Variants in LRMDA observed in about 807,000 individuals in gnomAD.
The protein encoded by LRMDA is leucine rich melanocyte differentiation associated, also known as leucine-rich melanocyte differentiation-associated protein.
LRMDA carries 18 observed loss-of-function variants against 29.8 expected under a neutral mutation model. The observed-to-expected ratio is 0.60, with a 90% CI of 0.42 to 0.90. LRMDA has a LOEUF of 0.90. Among genes scored for constraint, LRMDA ranks in the 40% least tolerant of loss-of-function variants. The pLI, the probability that LRMDA is intolerant of heterozygous loss-of-function variation, is 0.00. For missense variants in LRMDA, 273 were observed against 273.9 expected (o/e 1.00, Z 0.02); for synonymous variants, 125 against 109.4 (o/e 1.14, Z -0.89).
chr10:76,444,040 A>G (rs1053381667), intron 6 of LRMDA, among the ~76,000 whole-genome samples: 2 of 152,146 alleles, frequency 1.3e-5, no homozygotes, highest in African/African-American at 4.8e-5. Context: ...TGACTACAGA[A>G]TGGATAGGTC....
intron 6 of LRMDA, among the ~76,000 whole-genome samples, chr10:76,333,013 C>T (rs755980740): frequency 1.3e-5 from 2 of 152,098 alleles, no homozygotes; most frequent in African/African-American, 2.4e-5. Flanking sequence ...GAAAAGATAG[C>T]GTGCAATGTA....
rs149065788 is a variant in LRMDA at position 76,203,958 on chromosome 10, T to C, written c.517-120443T>C. 2.5e-4 allele frequency among the ~76,000 whole-genome samples: 36 copies of C among 145,646 alleles called. 1 individual carries two copies. The highest frequency in any genetic ancestry group is 9.3e-4 in the African/African-American group (36 of 38,844). ...TTCCATGTGCCCATCTACCCATCTCTATTCCATGTGCCCATCCCACCCATC... is the reference window on the plus strand; with the variant it reads ...TTCCATGTGCCCATCTACCCATCTCCATTCCATGTGCCCATCCCACCCATC... On this transcript the variant is annotated intron_variant, in intron 5 of 6. Coordinates refer to ENST00000611255, the MANE Select transcript of LRMDA (RefSeq NM_001305581.2).
chr10:76,370,551 T>C (rs1564522892), intron 6 of LRMDA, among the ~76,000 whole-genome samples: 1 of 152,214 alleles, frequency 6.6e-6, no homozygotes, highest in Non-Finnish European at 1.5e-5. Context: ...ATTTTTGCTT[T>C]CCACAGTTTC....
At chr10:76,539,980 A>T (rs934353144) in intron 6 of LRMDA, among the ~76,000 whole-genome samples, 1 of 124,354 alleles carries the variant, frequency 8.0e-6, no homozygotes, top group South Asian at 2.3e-4. Flanking sequence ...TGATATCAAC[A>T]TGTTCACACA....
At chr10:75,484,866 GAA>G (rs1449420300) in intron 2 of LRMDA, among the ~76,000 whole-genome samples, 1 of 152,210 alleles carries the variant, frequency 6.6e-6, no homozygotes, top group Non-Finnish European at 1.5e-5. Flanking sequence ...AGAATTGTGA[GAA>G]AATAAGTTTC....
intron 2 of LRMDA, among the ~76,000 whole-genome samples, chr10:75,449,080 A>T (rs1844428161): frequency 6.8e-6 from 1 of 147,282 alleles, no homozygotes; most frequent in East Asian, 2.0e-4. Flanking sequence ...TGAACCCAGG[A>T]GGCGGAAGTT....
At chr10:76,030,012 C>A (rs1433573119) in intron 2 of LRMDA, among the ~76,000 whole-genome samples, 2 of 152,180 alleles carry the variant, frequency 1.3e-5, no homozygotes. Flanking sequence ...TCTCTTGCCT[C>A]AGCCTCCTGA....
rs1198019836 is a variant in LRMDA at position 75,753,867 on chromosome 10, A to G, written c.132-282141A>G. Among the ~76,000 whole-genome samples, 6 of 152,344 alleles carry G rather than the reference A, an allele frequency of 3.9e-5. No homozygotes were observed. The East Asian group carries it at 9.7e-4, about 25-fold the overall frequency. ...TGGGATAGATGCGGTGCTACGAACCAGGGAGCAGGCAGTAAAGATGGAAGG... is the reference window on the plus strand; with the variant it reads ...TGGGATAGATGCGGTGCTACGAACCGGGGAGCAGGCAGTAAAGATGGAAGG... On this transcript the variant is annotated intron_variant, in intron 2 of 6. Transcript: ENST00000611255.
At chr10:76,194,220 C>T (rs919410026) in intron 5 of LRMDA, among the ~76,000 whole-genome samples, 6 of 152,156 alleles carry the variant, frequency 3.9e-5, no homozygotes, top group South Asian at 2.1e-4. Context: ...TGAGTTATTT[C>T]GGATGGACAA....
intron 5 of LRMDA, among the ~76,000 whole-genome samples, chr10:76,254,358 CCTATGCTATGCTATG>C (rs56303431): frequency 5.3e-5 from 7 of 131,382 alleles, no homozygotes; most frequent in South Asian, 5.6e-4. Flanking sequence ...CCTATCCTAT[CCTATGCTATGCTATG>C]CTATGCTATG....
intron 6 of LRMDA, among the ~76,000 whole-genome samples, chr10:76,422,703 G>A (rs540750428): frequency 6.6e-6 from 1 of 152,282 alleles, no homozygotes; most frequent in South Asian, 2.1e-4. Context: ...TGTTTTGAAG[G>A]CCTACAGCCT....
At chr10:76,308,513 G>A (rs1186383248) in intron 5 of LRMDA, among the ~76,000 whole-genome samples, 4 of 152,074 alleles carry the variant, frequency 2.6e-5, no homozygotes, top group East Asian at 1.9e-4. Flanking sequence ...CAGTTACCCA[G>A]TGACTGGAGG....
chr10:76,183,552 C>T (rs58073738), intron 5 of LRMDA, among the ~76,000 whole-genome samples: 3,788 of 152,152 alleles, frequency 0.025, 155 homozygotes, highest in African/African-American at 0.083. Context: ...ACACAGAACC[C>T]GGTTGGGACA....
At chr10:75,466,898 A>C (rs1844658076) in intron 2 of LRMDA, among the ~76,000 whole-genome samples, 1 of 152,186 alleles carries the variant, frequency 6.6e-6, no homozygotes, top group African/African-American at 2.4e-5. Context: ...AAAAATTAAA[A>C]AAAACCAAAC....
At chr10:75,935,385 C>T (rs1311431689) in intron 2 of LRMDA, among the ~76,000 whole-genome samples, 1 of 152,174 alleles carries the variant, frequency 6.6e-6, no homozygotes, top group Non-Finnish European at 1.5e-5. Context: ...AAAGGATTGA[C>T]TTCTCCTGCA....
At chr10:76,476,335 C>A (rs2132321864) in intron 6 of LRMDA, among the ~76,000 whole-genome samples, 1 of 152,174 alleles carries the variant, frequency 6.6e-6, no homozygotes, top group East Asian at 1.9e-4. Context: ...ATACACACTC[C>A]CAAGACTAAA....
chr10:76,147,304 C>T (rs1233599559), intron 5 of LRMDA, among the ~76,000 whole-genome samples: 5 of 152,080 alleles, frequency 3.3e-5, no homozygotes, highest in Non-Finnish European at 4.4e-5. Flanking sequence ...CCATTCTCCC[C>T]GTCACTTTCA....
chr10:75,797,715 A>G (rs557694337), intron 2 of LRMDA, among the ~76,000 whole-genome samples: 22 of 152,294 alleles, frequency 1.4e-4, no homozygotes, highest in Middle Eastern at 6.8e-3. Context: ...TGTGGCATGT[A>G]TCAGTATTCT....
intron 2 of LRMDA, among the ~76,000 whole-genome samples, chr10:75,966,274 G>A (rs188032180): frequency 7.2e-5 from 11 of 152,316 alleles, no homozygotes; most frequent in Non-Finnish European, 1.0e-4. Context: ...GCTCTCTCCC[G>A]CTCACTAGCT....
Sources: allele counts gnomAD v4.1 joint callset (sites outside exome capture counted in the v4.1 genomes callset), GRCh38; gene constraint gnomAD v4.1.1; transcripts MANE v1.5; gene names NCBI Gene and HGNC (gene_info 2026-07-23, HGNC 2026-07-21).